DOCK8: variants seen among roughly 807,000 people sequenced by gnomAD.
DOCK8 encodes dedicator of cytokinesis 8.
A neutral mutation model predicts 245.6 loss-of-function variants in DOCK8; 141 were observed. The ratio of observed to expected loss-of-function variants is 0.57; its 90% confidence interval spans 0.50 to 0.66. The LOEUF (loss-of-function observed/expected upper bound fraction) is 0.66, where lower values mean the gene tolerates loss of function less well. Ranked by LOEUF, DOCK8 falls within the 30% of genes least tolerant of loss-of-function variation. The pLI, the probability that DOCK8 is intolerant of heterozygous loss-of-function variation, is 0.00. For synonymous variants in DOCK8, 1,168 were observed against 970.2 expected (o/e 1.20, Z -3.79); for missense variants, 2,965 against 2,603.4 (o/e 1.14, Z -3.02).
At chr9:403,337 C>T (rs2055202496) in intron 26 of DOCK8, among the ~76,000 whole-genome samples, 2 of 152,318 alleles carry the variant, frequency 1.3e-5, no homozygotes, top group Admixed American at 6.5e-5. Flanking sequence ...GTGACAGGCA[C>T]ATGACCAAGT....
intron 1 of DOCK8, among the ~76,000 whole-genome samples, chr9:239,884 G>A (rs994000735): frequency 2.0e-5 from 3 of 152,104 alleles, no homozygotes. Context: ...CATTTCTAAT[G>A]AATGCATAAC....
intron 12 of DOCK8, among the ~76,000 whole-genome samples, chr9:337,148 C>A (rs143665453): frequency 6.6e-6 from 1 of 152,226 alleles, no homozygotes; most frequent in African/African-American, 2.4e-5. Context: ...GATTCAATCA[C>A]GTCTTAAAGG....
intron 14 of DOCK8, among the ~76,000 whole-genome samples, chr9:344,920 T>C (rs1031118030): frequency 9.2e-5 from 14 of 152,106 alleles, no homozygotes; most frequent in African/African-American, 2.4e-4. Context: ...GGCGTGGTGG[T>C]GGGTGCCTGT....
At chr9:411,627 C>T (rs900650715) in intron 28 of DOCK8, among the ~76,000 whole-genome samples, 1 of 151,982 alleles carries the variant, frequency 6.6e-6, no homozygotes, top group Non-Finnish European at 1.5e-5. Flanking sequence ...TATACTAAAC[C>T]AGACAAAGAC....
intron 33 of DOCK8, among the ~76,000 whole-genome samples, chr9:423,298 T>G (rs1031698344): frequency 6.6e-6 from 1 of 152,184 alleles, no homozygotes; most frequent in South Asian, 2.1e-4. Flanking sequence ...TTTAGACATA[T>G]GAAAGCTAAA....
upstream of DOCK8, chr9:213,236 AG>A (rs949036305): frequency 6.6e-6 from 1 of 152,166 alleles, no homozygotes; most frequent in Non-Finnish European, 1.5e-5. Flanking sequence ...GGGGGCGGGG[AG>A]TTACCTAACC....
chr9:336,425 G>A (rs887955884), intron 11 of DOCK8, among the ~76,000 whole-genome samples, 157 bp from the exon 12 acceptor site: 1 of 152,190 alleles, frequency 6.6e-6, no homozygotes, highest in African/African-American at 2.4e-5. Context: ...GACTAAGAAA[G>A]GTAGGGGCCA....
At chr9:427,103 A>C in intron 34 of DOCK8, 122 bp downstream of exon 34, 1 of 849,168 alleles carries the variant, frequency 1.2e-6, no homozygotes, top group South Asian at 1.5e-5. Context: ...TTTTAAAAAA[A>C]TGAAGTTGAG....
chr9:430,594 A>G (rs1487018528), intron 36 of DOCK8, among the ~76,000 whole-genome samples: 1 of 151,670 alleles, frequency 6.6e-6, no homozygotes, highest in Non-Finnish European at 1.5e-5. Context: ...AGGCACGAGA[A>G]TCGCTTGAAC....
At chr9:336,103 A>G (rs1322978849) in intron 11 of DOCK8, among the ~76,000 whole-genome samples, 1 of 152,226 alleles carries the variant, frequency 6.6e-6, no homozygotes, top group Non-Finnish European at 1.5e-5. Context: ...CCTGGTCCAC[A>G]TAATGAGAGC....
intron 36 of DOCK8, 81 bp downstream of exon 36, chr9:429,935 G>A (rs1461184795): frequency 6.4e-7 from 1 of 1,552,568 alleles, no homozygotes. Flanking sequence ...AAAAAATAAG[G>A]AAATTTTGCA....
rs140091043 is a variant in DOCK8, at chr9:285,661, A to C, written c.157-800A>C. 7.8e-3 allele frequency among the ~76,000 whole-genome samples: 1,193 copies of C among 152,336 alleles called. 17 individuals carry two copies. Among genetic ancestry groups the C allele is most frequent in the African/African-American group, 0.027 (1,137 of 41,574 alleles). On this transcript the variant is annotated intron_variant, in intron 2 of 47. Transcript: ENST00000432829. Reference sequence around the variant, plus strand: ...AATTGAGGACTGACAAAGGTTGCCAACTTTTTATCAATTATAAGAATTGTT... The same window carrying C: ...AATTGAGGACTGACAAAGGTTGCCACCTTTTTATCAATTATAAGAATTGTT...
intron 38 of DOCK8, among the ~76,000 whole-genome samples, chr9:434,399 T>TA (rs2056822965): frequency 6.6e-6 from 1 of 152,292 alleles, no homozygotes; most frequent in African/African-American, 2.4e-5. Flanking sequence ...AGAAATTACT[T>TA]ACAGAGGCAA....
chr9:226,829 C>G (rs966743994), intron 1 of DOCK8, among the ~76,000 whole-genome samples: 3 of 151,998 alleles, frequency 2.0e-5, no homozygotes, highest in Admixed American at 6.6e-5. Context: ...GGGGAGAAGT[C>G]AAGACTGGAT....
intron 23 of DOCK8, 30 bp from the exon 24 acceptor site, chr9:390,441 C>CA (rs2131352989): frequency 6.3e-7 from 1 of 1,596,790 alleles, no homozygotes; most frequent in African/African-American, 1.3e-5. Context: ...GCCTTTGTTT[C>CA]ACAGCCTAAT....
intron 8 of DOCK8, among the ~76,000 whole-genome samples, chr9:326,531 G>A (rs1434293775): frequency 6.6e-6 from 1 of 152,204 alleles, no homozygotes; most frequent in Non-Finnish European, 1.5e-5. Flanking sequence ...TGGGGCCTGA[G>A]AATTTGCATT....
intron 4 of DOCK8, among the ~76,000 whole-genome samples, chr9:292,337 A>G (rs2049075583): frequency 7.7e-6 from 1 of 130,124 alleles, no homozygotes; most frequent in South Asian, 2.6e-4. Context: ...TGGTGAGCCA[A>G]GATCGCGCCA....
chr9:452,621 T>G (rs2057504808), intron 46 of DOCK8: 1 of 152,666 alleles, frequency 6.6e-6, no homozygotes, highest in Non-Finnish European at 1.5e-5. Context: ...TGCACTAGAG[T>G]CCCAGAGGTT....
chr9:334,655 T>C (rs1329830825), intron 11 of DOCK8, among the ~76,000 whole-genome samples: 1 of 152,130 alleles, frequency 6.6e-6, no homozygotes, highest in Non-Finnish European at 1.5e-5. Flanking sequence ...TGATTTTTGC[T>C]AGCCACCCGC....
Sources: allele counts gnomAD v4.1 joint callset (sites outside exome capture counted in the v4.1 genomes callset), GRCh38; gene constraint gnomAD v4.1.1; transcripts MANE v1.5; gene names NCBI Gene and HGNC (gene_info 2026-07-23, HGNC 2026-07-21).